LINGO2: variants seen among roughly 807,000 people sequenced by gnomAD.
LINGO2 encodes leucine rich repeat and Ig domain containing 2.
A neutral mutation model predicts 30.6 loss-of-function variants in LINGO2; 14 were observed. That is an observed-to-expected ratio of 0.46 (90% CI 0.30 to 0.72). LINGO2 has a LOEUF of 0.72. Ranked by LOEUF, LINGO2 falls within the 30% of genes least tolerant of loss-of-function variation. LINGO2 has a pLI of 0.07. For synonymous variants in LINGO2, 317 were observed against 288.5 expected (o/e 1.10, Z -1.00); for missense variants, 729 against 751.7 (o/e 0.97, Z 0.35).
intron 5 of LINGO2, among the ~76,000 whole-genome samples, chr9:27,977,166 T>A (rs937523111): frequency 1.3e-5 from 2 of 151,908 alleles, no homozygotes; most frequent in African/African-American, 2.4e-5. Context: ...CCTACTTTTT[T>A]TTTTTCCATT....
chr9:28,281,853 T>C (rs1256410507), intron 4 of LINGO2, among the ~76,000 whole-genome samples: 1 of 152,130 alleles, frequency 6.6e-6, no homozygotes, highest in East Asian at 1.9e-4. Flanking sequence ...GCCTTCTTAG[T>C]ATATTCTAAA....
chr9:28,729,405 C>T, the LINGO2 span, among the ~76,000 whole-genome samples: 1 of 151,536 alleles, frequency 6.6e-6, no homozygotes, highest in Non-Finnish European at 1.5e-5. Flanking sequence ...AGATAGAAAC[C>T]AGAACAGAAA....
At chr9:28,406,754 C>T (rs539798910) in intron 2 of LINGO2, among the ~76,000 whole-genome samples, 1 of 152,152 alleles carries the variant, frequency 6.6e-6, no homozygotes, top group East Asian at 1.9e-4. Flanking sequence ...TCTTTAAGGA[C>T]CAAGTTAAAT....
intron 4 of LINGO2, among the ~76,000 whole-genome samples, chr9:28,220,171 G>A (rs1208837875): frequency 6.6e-6 from 1 of 152,082 alleles, no homozygotes; most frequent in Non-Finnish European, 1.5e-5. Flanking sequence ...TTTCATATAA[G>A]GGACTAGAGA....
the LINGO2 span, among the ~76,000 whole-genome samples, chr9:28,822,464 G>T: frequency 1.3e-5 from 2 of 152,202 alleles, no homozygotes; most frequent in African/African-American, 4.8e-5. Flanking sequence ...TATTGATCCT[G>T]GGGATGTCTG....
chr9:29,095,983 G>T, the LINGO2 span, among the ~76,000 whole-genome samples: 1 of 136,982 alleles, frequency 7.3e-6, no homozygotes, highest in African/African-American at 2.8e-5. Flanking sequence ...GAAACTTAAA[G>T]TATACAAAAA....
the LINGO2 span, among the ~76,000 whole-genome samples, chr9:28,866,831 A>C: frequency 1.3e-5 from 2 of 152,172 alleles, no homozygotes; most frequent in African/African-American, 4.8e-5. Context: ...CATCAGGTTT[A>C]TTAGAGGACA....
At chr9:28,040,914 A>G (rs1052004710) in intron 4 of LINGO2, among the ~76,000 whole-genome samples, 2 of 152,190 alleles carry the variant, frequency 1.3e-5, no homozygotes, top group African/African-American at 4.8e-5. Context: ...CTATAGAGGT[A>G]GAGGAATTGA....
the LINGO2 span, among the ~76,000 whole-genome samples, chr9:28,917,425 AT>A: frequency 6.9e-6 from 1 of 145,442 alleles, no homozygotes; most frequent in African/African-American, 2.5e-5. Flanking sequence ...AAAAAAAAAA[AT>A]TGTCATTAGA....
chr9:28,035,039 C>A (rs181187675), intron 4 of LINGO2, among the ~76,000 whole-genome samples: 94 of 152,312 alleles, frequency 6.2e-4, no homozygotes, highest in African/African-American at 2.2e-3. Flanking sequence ...AACATCCATG[C>A]AACTCCTTAA....
chr9:29,199,695 T>C, the LINGO2 span, among the ~76,000 whole-genome samples: 1 of 152,162 alleles, frequency 6.6e-6, no homozygotes, highest in Non-Finnish European at 1.5e-5. Context: ...GTAAAAGAAA[T>C]GTCACTATTC....
chr9:28,047,654 A>AC (rs1824485306), intron 4 of LINGO2, among the ~76,000 whole-genome samples: 1 of 150,762 alleles, frequency 6.6e-6, no homozygotes, highest in East Asian at 2.0e-4. Flanking sequence ...AACGGTAGCT[A>AC]CCTTGTGGGA....
chr9:27,965,213 T>A lies in LINGO2; in HGVS notation c.-35-14507A>T, dbSNP rs527625455. On this transcript the variant is annotated intron_variant, in intron 5 of 5. Coordinates refer to ENST00000379992, the Ensembl canonical transcript of LINGO2. ...TTTCTTGCTTGATGAGTCATTTGCC[T>A]AATGTTACAGTCTCAGTAAGGGAAC... 2.2e-4 allele frequency among the ~76,000 whole-genome samples: 34 copies of A among 152,226 alleles called. No individual in the cohort carries two copies. The East Asian group carries it at 4.4e-3, about 20-fold the overall frequency.
At chr9:28,494,384 C>T (rs1355170619) in intron 1 of LINGO2, among the ~76,000 whole-genome samples, 1 of 152,102 alleles carries the variant, frequency 6.6e-6, no homozygotes, top group Non-Finnish European at 1.5e-5. Context: ...CACCCCACTA[C>T]AGGCCTCAGT....
rs543247161 is a variant in LINGO2 at position 28,131,233 on chromosome 9, T to C, written c.-86-118828A>G. Among the ~76,000 whole-genome samples the C allele has an allele frequency of 9.2e-5, 14 of 151,986 alleles. No homozygotes were observed. In the South Asian group the frequency reaches 2.9e-3, roughly 32 times the overall value. ...AGGTACGACTTTTGGAGCAGTGTTA[T>C]AAATGTCATGTATTTTGTATTTTGC... On this transcript the variant is annotated intron_variant, in intron 4 of 5. Transcript: ENST00000379992.
At chr9:28,372,994 A>G (rs1029810074) in intron 2 of LINGO2, 126 bp from the exon 5 acceptor site, 6 of 131,574 alleles carry the variant, frequency 4.6e-5, no homozygotes, top group African/African-American at 1.7e-4. Flanking sequence ...TTGACAGGAA[A>G]GAAGCATTTA....
the LINGO2 span, among the ~76,000 whole-genome samples, chr9:29,001,110 T>TGA: frequency 1.4e-5 from 2 of 139,102 alleles, no homozygotes; most frequent in African/African-American, 2.6e-5. Flanking sequence ...TGTGTGAACG[T>TGA]GAGAGAGAGA....
intron 1 of LINGO2, among the ~76,000 whole-genome samples, chr9:28,558,529 T>A (rs1291469626): frequency 6.6e-6 from 1 of 151,924 alleles, no homozygotes; most frequent in East Asian, 1.9e-4. Flanking sequence ...GAGTGAAGAG[T>A]AGTAGCCTTA....
chr9:28,535,746 G>A lies in LINGO2; in HGVS notation c.-364-59721C>T, dbSNP rs112287065. ...TGGACGCACACACACACACACACAC[G>A]GAGCTAAACTGGACAGCTACACTTA... is the stretch of plus-strand genomic sequence containing the variant. On this transcript the variant is annotated intron_variant, in intron 1 of 5. Transcript: ENST00000379992. 3.3e-4 allele frequency among the ~76,000 whole-genome samples: 49 copies of A among 148,506 alleles called. 1 individual carries two copies. The highest frequency in any genetic ancestry group is 1.2e-3 in the African/African-American group (47 of 39,148).
Sources: gnomAD v4.1 joint callset for allele counts (sites outside exome capture counted in the v4.1 genomes callset) on GRCh38, gnomAD v4.1.1 for gene constraint, MANE v1.5 for transcripts, NCBI Gene and HGNC (gene_info 2026-07-23, HGNC 2026-07-21) for gene names.